The following RUNX1T1 variants were observed in gnomAD, a reference collection of about 807,000 sequenced individuals.
RUNX1T1 encodes RUNX1 partner transcriptional co-repressor 1, also known as protein CBFA2T1.
In RUNX1T1, 4 loss-of-function variants were observed where a neutral mutation model predicts 62.8. That is an observed-to-expected ratio of 0.06 (90% CI 0.03 to 0.15). RUNX1T1 has a LOEUF of 0.15. Among genes scored for constraint, RUNX1T1 ranks in the 10% least tolerant of loss-of-function variants. The pLI, the probability that RUNX1T1 is intolerant of heterozygous loss-of-function variation, is 1.00. For synonymous variants in RUNX1T1, 291 were observed against 286.0 expected (o/e 1.02, Z -0.18); for missense variants, 508 against 754.3 (o/e 0.67, Z 3.82).
At chr8:92,000,343 C>G (rs945462776) in intron 5 of RUNX1T1, among the ~76,000 whole-genome samples, 1 of 151,966 alleles carries the variant, frequency 6.6e-6, no homozygotes. Context: ...TAATTTTGTG[C>G]TATTTCACTG....
intron 1 of RUNX1T1, among the ~76,000 whole-genome samples, chr8:92,051,188 C>T (rs1282087189): frequency 6.6e-6 from 1 of 152,080 alleles, no homozygotes; most frequent in Non-Finnish European, 1.5e-5. Context: ...ACCAGTCTTG[C>T]TCACTATTGA....
At chr8:92,073,038 T>G (rs769538394) in intron 2 of RUNX1T1, among the ~76,000 whole-genome samples, 32 of 152,208 alleles carry the variant, frequency 2.1e-4, no homozygotes, top group Non-Finnish European at 3.8e-4. Context: ...CTGTCATTCT[T>G]TCCTCCCAAG....
At chr8:92,080,004 C>A (rs1455950189) in intron 1 of RUNX1T1, among the ~76,000 whole-genome samples, 2 of 151,818 alleles carry the variant, frequency 1.3e-5, no homozygotes, top group African/African-American at 2.4e-5. Flanking sequence ...ATCATTCTAA[C>A]ATTGTTTCTT....
intron 1 of RUNX1T1, among the ~76,000 whole-genome samples, chr8:92,091,274 T>C (rs1334460550): frequency 2.6e-5 from 4 of 152,242 alleles, no homozygotes; most frequent in Non-Finnish European, 5.9e-5. Context: ...GCTTTATTCC[T>C]TCATGAATTA....
At chr8:92,080,821 C>T (rs1375585129) in intron 1 of RUNX1T1, among the ~76,000 whole-genome samples, 1 of 152,198 alleles carries the variant, frequency 6.6e-6, no homozygotes, top group African/African-American at 2.4e-5. Context: ...GCCCCTTTCT[C>T]TTGTGATAAG....
chr8:91,959,635 G>GA (rs1006756231), exon 11 of RUNX1T1: 33 of 224,346 alleles, frequency 1.5e-4, no homozygotes, highest in Non-Finnish European at 2.3e-4. Flanking sequence ...TCAGAAACAG[G>GA]AAAAAAACCG....
chr8:91,959,307 C>T (rs1809858693), exon 11 of RUNX1T1: 2 of 224,262 alleles, frequency 8.9e-6, no homozygotes, highest in African/African-American at 4.4e-5. Context: ...ATGTCTTACT[C>T]TGTGGAACCT....
chr8:92,045,446 T>A (rs1563836643), intron 1 of RUNX1T1, among the ~76,000 whole-genome samples: 1 of 152,216 alleles, frequency 6.6e-6, no homozygotes, highest in Non-Finnish European at 1.5e-5. Context: ...AGTGAGATTA[T>A]TCTTTCTGCA....
chr8:91,977,902 C>A (rs1814333065), intron 8 of RUNX1T1, among the ~76,000 whole-genome samples: 1 of 152,160 alleles, frequency 6.6e-6, no homozygotes, highest in Non-Finnish European at 1.5e-5. Flanking sequence ...AATCTCCTGC[C>A]TCAGCCTCCC....
chr8:92,057,275 C>T (rs1188792323), intron 1 of RUNX1T1, among the ~76,000 whole-genome samples: 1 of 152,166 alleles, frequency 6.6e-6, no homozygotes, highest in African/African-American at 2.4e-5. Context: ...TACAAAAGAT[C>T]CTGCCATCAA....
At chr8:92,008,384 T>TCA (rs1321986167) in intron 4 of RUNX1T1, among the ~76,000 whole-genome samples, 9 of 73,024 alleles carry the variant, frequency 1.2e-4, no homozygotes, top group African/African-American at 4.5e-4. Flanking sequence ...TCTCTCTCTC[T>TCA]CTCTCACACA....
chr8:92,051,560 T>C (rs1830231975), intron 1 of RUNX1T1, among the ~76,000 whole-genome samples: 1 of 151,968 alleles, frequency 6.6e-6, no homozygotes, highest in Non-Finnish European at 1.5e-5. Context: ...ATGCTCTCTC[T>C]CTCTCACATA....
intron 1 of RUNX1T1, among the ~76,000 whole-genome samples, chr8:92,060,522 A>AAT (rs61066655): frequency 0.027 from 2,041 of 76,196 alleles, 38 homozygotes; most frequent in Non-Finnish European, 0.036. Context: ...TCAACTACCA[A>AAT]ATATATATAT....
At chr8:92,066,035 T>C (rs1303727307), upstream of RUNX1T1, among the ~76,000 whole-genome samples, 9 of 152,218 alleles carry the variant, frequency 5.9e-5, no homozygotes, top group African/African-American at 1.7e-4. Context: ...AAGGCACTCA[T>C]TTAAGCAGGG....
intron 2 of RUNX1T1, 72 bp from the exon 4 acceptor site, chr8:92,014,892 T>A: frequency 7.0e-7 from 1 of 1,436,684 alleles, no homozygotes; most frequent in Non-Finnish European, 9.4e-7. Flanking sequence ...TGCCACCAAG[T>A]TTCCTACCTT....
chr8:92,095,379 G>A (rs1837642100), intron 1 of RUNX1T1: 16 of 1,535,328 alleles, frequency 1.0e-5, no homozygotes, highest in Admixed American at 3.9e-5. Context: ...GAGCGGCCGC[G>A]GCCGAGGCGG....
intron 1 of RUNX1T1, among the ~76,000 whole-genome samples, chr8:92,061,502 C>T (rs1268503123): frequency 6.6e-6 from 1 of 152,174 alleles, no homozygotes; most frequent in Non-Finnish European, 1.5e-5. Flanking sequence ...TCCTAGTCTA[C>T]TAATGAAAAA....
intron 1 of RUNX1T1, among the ~76,000 whole-genome samples, chr8:92,042,485 T>C (rs1828647247): frequency 1.3e-5 from 2 of 152,108 alleles, no homozygotes; most frequent in Admixed American, 1.3e-4. Context: ...GCCCAGCTAA[T>C]TTTTTAATTT....
At chr8:92,088,120 C>T (rs907117762) in intron 1 of RUNX1T1, among the ~76,000 whole-genome samples, 2 of 152,200 alleles carry the variant, frequency 1.3e-5, no homozygotes, top group African/African-American at 4.8e-5. Flanking sequence ...GAGTAAAGCA[C>T]ACTCCTTGTG....
Sources: allele counts gnomAD v4.1 joint callset (sites outside exome capture counted in the v4.1 genomes callset), GRCh38; gene constraint gnomAD v4.1.1; transcripts MANE v1.5; gene names NCBI Gene and HGNC (gene_info 2026-07-23, HGNC 2026-07-21).